The following TYR variants were observed in gnomAD, a reference collection of about 807,000 sequenced individuals.
The protein encoded by TYR is tyrosinase.
A neutral mutation model predicts 51.5 loss-of-function variants in TYR; 58 were observed. The ratio of observed to expected loss-of-function variants is 1.13; its 90% CI spans 0.91 to 1.40. The LOEUF (loss-of-function observed/expected upper bound fraction) is 1.40, where lower values mean the gene tolerates loss of function less well. TYR is among the 40% of genes most tolerant of loss of function. The pLI, the probability that TYR is intolerant of heterozygous loss-of-function variation, is 0.00. For synonymous variants in TYR, 263 were observed against 235.2 expected, an observed-to-expected ratio of 1.12 and a Z score of -1.08; for missense variants, 732 against 647.4, an observed-to-expected ratio of 1.13 and a Z score of -1.42.
chr11:89,282,734 A>G (rs755759777), intron 3 of TYR, among the ~76,000 whole-genome samples: 2 of 151,780 alleles, frequency 1.3e-5, no homozygotes, highest in Non-Finnish European at 1.5e-5. Context: ...TCATCTTCTT[A>G]AATCTTCTAA....
At chr11:89,285,542 T>C (rs117143923) in intron 4 of TYR, among the ~76,000 whole-genome samples, 1 of 151,810 alleles carries the variant, frequency 6.6e-6, no homozygotes, top group Non-Finnish European at 1.5e-5. Flanking sequence ...AGGATTAGAA[T>C]TAGATTTGAG....
intron 3 of TYR, among the ~76,000 whole-genome samples, chr11:89,282,402 G>T (rs750460153): frequency 9.9e-5 from 15 of 151,742 alleles, no homozygotes; most frequent in South Asian, 2.1e-4. Flanking sequence ...TGGTTAGTAC[G>T]AATAAAATGT....
intron 3 of TYR, among the ~76,000 whole-genome samples, chr11:89,274,134 C>T (rs1259875638): frequency 6.6e-6 from 1 of 151,756 alleles, no homozygotes; most frequent in African/African-American, 2.4e-5. Context: ...AGTAGCTTGC[C>T]CCAGTTTGCA....
At chr11:89,213,836 T>C (rs1039902609) in intron 2 of TYR, among the ~76,000 whole-genome samples, 5 of 152,134 alleles carry the variant, frequency 3.3e-5, no homozygotes, top group African/African-American at 9.7e-5. Context: ...AAACAAGTAA[T>C]GGAGAAAGGA....
intron 4 of TYR, among the ~76,000 whole-genome samples, chr11:89,290,627 A>G (rs1174463614): frequency 1.3e-5 from 2 of 152,046 alleles, no homozygotes; most frequent in East Asian, 1.9e-4. Flanking sequence ...TATATAGTCC[A>G]TGATGGCTCA....
intron 2 of TYR, among the ~76,000 whole-genome samples, chr11:89,223,442 G>T (rs1032669420): frequency 1.3e-4 from 20 of 152,036 alleles, no homozygotes; most frequent in African/African-American, 4.1e-4. Flanking sequence ...TCTATGAAAA[G>T]ATAAAATAGA....
At chr11:89,230,207 T>C (rs554466719) in intron 3 of TYR, among the ~76,000 whole-genome samples, 27 of 152,170 alleles carry the variant, frequency 1.8e-4, no homozygotes, top group African/African-American at 6.0e-4. Flanking sequence ...TGAAACAGAA[T>C]TGAGAGCCCA....
intron 3 of TYR, among the ~76,000 whole-genome samples, chr11:89,236,715 G>C (rs1021919859): frequency 3.9e-5 from 6 of 152,116 alleles, no homozygotes; most frequent in Non-Finnish European, 8.8e-5. Flanking sequence ...TATATTTATT[G>C]GCAAACTATG....
At chr11:89,248,722 C>A (rs533820149) in intron 3 of TYR, among the ~76,000 whole-genome samples, 1 of 152,110 alleles carries the variant, frequency 6.6e-6, no homozygotes, top group Non-Finnish European at 1.5e-5. Context: ...GTTGTCTTGG[C>A]TATTGTGACA....
chr11:89,211,625 C>A (rs1208846317), intron 2 of TYR, among the ~76,000 whole-genome samples: 2 of 152,182 alleles, frequency 1.3e-5, no homozygotes, highest in Non-Finnish European at 2.9e-5. Context: ...ACAGAACTCT[C>A]CACCCCAAAT....
chr11:89,268,303 GAT>G (rs377633914), intron 3 of TYR, among the ~76,000 whole-genome samples: 1 of 150,860 alleles, frequency 6.6e-6, no homozygotes, highest in African/African-American at 2.4e-5. Flanking sequence ...AAATAAATAT[GAT>G]ATATATATAT....
At chr11:89,215,248 G>A (rs1005506944) in intron 2 of TYR, among the ~76,000 whole-genome samples, 1 of 151,640 alleles carries the variant, frequency 6.6e-6, no homozygotes, top group African/African-American at 2.4e-5. Flanking sequence ...TGATGAAGCT[G>A]AAAACCATCA....
intron 2 of TYR, among the ~76,000 whole-genome samples, chr11:89,203,965 G>A (rs936419825): frequency 9.9e-5 from 15 of 152,284 alleles, no homozygotes; most frequent in Admixed American, 2.6e-4. Context: ...CTATAACAAG[G>A]TGCCTCCTCA....
At chr11:89,215,004 C>T (rs922360713) in intron 2 of TYR, among the ~76,000 whole-genome samples, 4 of 151,960 alleles carry the variant, frequency 2.6e-5, no homozygotes, top group East Asian at 1.9e-4. Flanking sequence ...ATTTTTAGTA[C>T]GATATTGTAA....
At chr11:89,193,416 A>G (rs1943473416) in intron 2 of TYR, among the ~76,000 whole-genome samples, 1 of 152,142 alleles carries the variant, frequency 6.6e-6, no homozygotes, top group African/African-American at 2.4e-5. Flanking sequence ...AGGGAACAGC[A>G]GATTTACTAC....
At chr11:89,283,515 T>G (rs1426808192) in intron 3 of TYR, among the ~76,000 whole-genome samples, 1 of 151,810 alleles carries the variant, frequency 6.6e-6, no homozygotes, top group East Asian at 1.9e-4. Flanking sequence ...ATTTAGTACT[T>G]TCACAAAAAC....
Position 89,219,422 on chromosome 11 carries a change from G to A in TYR, c.1037-8401G>A, listed in dbSNP as rs570275182. On this transcript the variant is annotated intron_variant, in intron 2 of 4. Coordinates refer to ENST00000263321, the MANE Select transcript of TYR (RefSeq NM_000372.5). ...AACGATTCTCCTGCCTCAGCCTCTC[G>A]AGTAGCTGGGACTACAGACATGCAC... 1.1e-3 allele frequency among the ~76,000 whole-genome samples: 169 copies of A among 151,312 alleles called. 1 individual carries two copies. Among genetic ancestry groups the A allele is most frequent in the African/African-American group, 3.9e-3 (160 of 41,204 alleles).
At chr11:89,224,764 T>G (rs752414109) in intron 2 of TYR, among the ~76,000 whole-genome samples, 2 of 152,186 alleles carry the variant, frequency 1.3e-5, no homozygotes, top group Non-Finnish European at 2.9e-5. Context: ...AAGTGGGGAA[T>G]CCGAAACATT....
intron 3 of TYR, among the ~76,000 whole-genome samples, chr11:89,269,749 T>C (rs1170697422): frequency 1.3e-5 from 2 of 151,938 alleles, no homozygotes; most frequent in Non-Finnish European, 2.9e-5. Flanking sequence ...AAGCTATTTA[T>C]TCCTGACAAT....
Sources: allele counts gnomAD v4.1 joint callset (sites outside exome capture counted in the v4.1 genomes callset), GRCh38; gene constraint gnomAD v4.1.1; transcripts MANE v1.5; gene names NCBI Gene and HGNC (gene_info 2026-07-23, HGNC 2026-07-21).